MIA2: variants seen among roughly 807,000 people sequenced by gnomAD.
The protein encoded by MIA2 is MIA SH3 domain ER export factor 2.
In MIA2, 127 loss-of-function variants were observed where a neutral mutation model predicts 167.8. The ratio of observed to expected loss-of-function variants is 0.76; its 90% CI spans 0.66 to 0.88. The LOEUF is 0.88. Ranked by LOEUF, MIA2 falls within the 40% of genes least tolerant of loss-of-function variation. The probability of loss-of-function intolerance (pLI) is 0.00; values close to 1 mark genes in which losing one functional copy is unlikely to be tolerated. For synonymous variants in MIA2, 552 were observed against 541.9 expected (o/e 1.02, Z -0.26); for missense variants, 1,690 against 1,624.7 (o/e 1.04, Z -0.69).
chr14:39,330,119 G>A (rs2068478617), intron 25 of MIA2, among the ~76,000 whole-genome samples: 1 of 152,090 alleles, frequency 6.6e-6, no homozygotes, highest in African/African-American at 2.4e-5. Context: ...TGGTTGGTAG[G>A]CTATTAATTA....
chr14:39,238,587 G>A (rs1407333327), intron 2 of MIA2, among the ~76,000 whole-genome samples: 5 of 151,924 alleles, frequency 3.3e-5, no homozygotes, highest in African/African-American at 1.2e-4. Context: ...TTGAGGCCAG[G>A]AGTTTGAGAC....
At chr14:39,245,460 T>C (rs1286220873) in intron 3 of MIA2, among the ~76,000 whole-genome samples, 1 of 152,166 alleles carries the variant, frequency 6.6e-6, no homozygotes, top group Non-Finnish European at 1.5e-5. Flanking sequence ...TTCAAAGCCA[T>C]CCTGGGCTGC....
At chr14:39,322,539 C>CA (rs541740480) in intron 24 of MIA2, among the ~76,000 whole-genome samples, 2,426 of 77,890 alleles carry the variant, frequency 0.031, 57 homozygotes, top group South Asian at 0.093. Flanking sequence ...GACTCCGTCT[C>CA]AAAAAAAAAA....
chr14:39,304,246 T>G (rs769137211), intron 16 of MIA2, 45 bp from the exon 17 acceptor site: 1 of 885,100 alleles, frequency 1.1e-6, no homozygotes, highest in South Asian at 1.7e-5. Flanking sequence ...TATTTTTTTG[T>G]ATAACTGATT....
chr14:39,290,316 A>C (rs1210314097), intron 9 of MIA2, among the ~76,000 whole-genome samples: 1 of 151,962 alleles, frequency 6.6e-6, no homozygotes, highest in Non-Finnish European at 1.5e-5. Flanking sequence ...TGAGGCTTTC[A>C]GACAGATATA....
At chr14:39,374,889 C>T (rs1292154086) in intron 23 of MIA2, among the ~76,000 whole-genome samples, 1 of 152,194 alleles carries the variant, frequency 6.6e-6, no homozygotes, top group Non-Finnish European at 1.5e-5. Context: ...TTTGAATTCT[C>T]ATTTTAGGTA....
chr14:39,246,898 T>TTTTTCC lies in MIA2; in HGVS notation c.337-8_337-3dup. The TTTTTCC allele has an allele frequency of 7.1e-7, 1 of 1,405,978 alleles. No homozygotes were observed. 87.1% of individuals were successfully genotyped at this position (1,405,978 alleles called of 1,614,324 possible). On this transcript the variant is annotated splice_polypyrimidine_tract_variant and intron_variant, in intron 3 of 28. Transcript: ENST00000640607. The stretch of plus-strand genomic sequence containing the variant: ...ACATTCATGTTAATCATATATATAT[T>TTTTTCC]TTTTCCTTTTAGGAATCTGACTTTC...
intron 23 of MIA2, among the ~76,000 whole-genome samples, chr14:39,361,428 A>T (rs1418810378): frequency 7.9e-6 from 1 of 125,950 alleles, no homozygotes; most frequent in East Asian, 2.5e-4. Context: ...TAGGACTTTT[A>T]GGTGTGTGGT....
intron 26 of MIA2, among the ~76,000 whole-genome samples, chr14:39,346,658 T>C (rs2073320334): frequency 1.3e-5 from 2 of 148,498 alleles, no homozygotes; most frequent in Non-Finnish European, 3.0e-5. Flanking sequence ...CATATATTTA[T>C]ATATTATTAA....
chr14:39,323,831 A>G (rs138336316), intron 24 of MIA2, among the ~76,000 whole-genome samples: 10 of 152,182 alleles, frequency 6.6e-5, no homozygotes, highest in Admixed American at 2.6e-4. Context: ...CTCCTCTTCT[A>G]TTTCCTCTCC....
intron 25 of MIA2, among the ~76,000 whole-genome samples, chr14:39,342,318 A>G (rs549612430): frequency 6.6e-6 from 1 of 152,202 alleles, no homozygotes; most frequent in East Asian, 1.9e-4. Flanking sequence ...AGCTTCATCC[A>G]TGTCCCTACA....
intron 1 of MIA2, 143 bp downstream of exon 1, chr14:39,234,372 A>G (rs1428744233): frequency 7.8e-6 from 4 of 511,952 alleles, no homozygotes; most frequent in Admixed American, 4.1e-5. Flanking sequence ...TGGTATAAAA[A>G]AGAAATGTTG....
At chr14:39,293,475 T>A in intron 11 of MIA2, 94 bp downstream of exon 11, 1 of 878,916 alleles carries the variant, frequency 1.1e-6, no homozygotes, top group Non-Finnish European at 1.7e-6. Context: ...TACATTATTG[T>A]AAAAAATGTA....
intron 25 of MIA2, among the ~76,000 whole-genome samples, chr14:39,343,981 T>C (rs757546200): frequency 6.6e-6 from 1 of 152,216 alleles, no homozygotes; most frequent in African/African-American, 2.4e-5. Context: ...CCTCTTATAT[T>C]ATGTATATTT....
chr14:39,329,469 G>T (rs995307866), intron 25 of MIA2, among the ~76,000 whole-genome samples: 1 of 152,044 alleles, frequency 6.6e-6, no homozygotes, highest in African/African-American at 2.4e-5. Flanking sequence ...TTGCCTGATT[G>T]CCCTGGCCAG....
At chr14:39,298,921 A>C (rs1011502524) in intron 13 of MIA2, among the ~76,000 whole-genome samples, 2 of 151,448 alleles carry the variant, frequency 1.3e-5, no homozygotes, top group Non-Finnish European at 2.9e-5. Flanking sequence ...TTGACTCTAC[A>C]AAAAATAAAA....
intron 23 of MIA2, among the ~76,000 whole-genome samples, chr14:39,381,137 A>G (rs921583872): frequency 9.2e-5 from 14 of 152,212 alleles, no homozygotes; most frequent in Non-Finnish European, 7.3e-5. Flanking sequence ...CTCCCTAAAA[A>G]GGAGTCTGGC....
Position 39,267,537 on chromosome 14 carries a change from G to T in MIA2, c.1888-9397G>T, listed in dbSNP as rs762155247. On this transcript the variant is annotated intron_variant, in intron 6 of 28. Coordinates refer to ENST00000640607, the MANE Select transcript of MIA2 (RefSeq NM_001329214.4). ...AGCTACGCAGGGTGAGCCCAGGCGC[G>T]ATGAGTGTTACGTGGCCCAGGGGTC... is the stretch of plus-strand genomic sequence containing the variant. 4.3e-5 allele frequency: 69 copies of T among 1,612,818 alleles called. 1 individual carries two copies. Among genetic ancestry groups the T allele is most frequent in the Non-Finnish European group, 5.1e-6 (6 of 1,179,778 alleles).
intron 25 of MIA2, among the ~76,000 whole-genome samples, chr14:39,343,605 T>C (rs1003203244): frequency 6.6e-6 from 1 of 152,228 alleles, no homozygotes; most frequent in African/African-American, 2.4e-5. Context: ...TTTTTTCTTA[T>C]CTTTTTTTCT....
Sources: gnomAD v4.1 joint callset for allele counts (sites outside exome capture counted in the v4.1 genomes callset) on GRCh38, gnomAD v4.1.1 for gene constraint, MANE v1.5 for transcripts, NCBI Gene and HGNC (gene_info 2026-07-23, HGNC 2026-07-21) for gene names.